Variants in TENM2 observed in about 807,000 individuals in gnomAD.
TENM2 encodes the protein teneurin-2.
Under a neutral mutation model 245.2 loss-of-function variants are expected in TENM2, and 52 were observed. The observed-to-expected ratio is 0.21, with a 90% confidence interval of 0.17 to 0.27. The LOEUF is 0.27. TENM2 is among the 10% of genes least tolerant of loss of function. The pLI, the probability that TENM2 is intolerant of heterozygous loss-of-function variation, is 1.00. For synonymous variants in TENM2, 1,363 were observed against 1,438.9 expected (o/e 0.95, Z 1.19); for missense variants, 3,046 against 3,666.8 (o/e 0.83, Z 4.37).
the TENM2 span, among the ~76,000 whole-genome samples, chr5:167,015,391 C>A: frequency 0.4 from 60,732 of 151,926 alleles, 12,374 homozygotes; most frequent in Middle Eastern, 0.44. Context: ...ATATTTTAGC[C>A]TGCGTGTGTT....
intron 2 of TENM2, among the ~76,000 whole-genome samples, chr5:167,726,240 G>C (rs1759995926): frequency 8.9e-6 from 1 of 112,376 alleles, no homozygotes; most frequent in Non-Finnish European, 1.7e-5. Flanking sequence ...CTGAAGTTTA[G>C]CTTCATGATC....
At chr5:167,133,471 G>A in the TENM2 span, among the ~76,000 whole-genome samples, 1 of 152,130 alleles carries the variant, frequency 6.6e-6, no homozygotes, top group Admixed American at 6.5e-5. Flanking sequence ...CTCTTATGTA[G>A]GCCTTGCTTC....
At chr5:167,300,946 GT>G (rs1165266718) in intron 1 of TENM2, among the ~76,000 whole-genome samples, 1 of 152,156 alleles carries the variant, frequency 6.6e-6, no homozygotes, top group African/African-American at 2.4e-5. Flanking sequence ...GAATTGGGGA[GT>G]TTTAAGAGGT....
chr5:167,027,976 AAGG>A, the TENM2 span, among the ~76,000 whole-genome samples: 1 of 150,670 alleles, frequency 6.6e-6, no homozygotes, highest in Non-Finnish European at 1.5e-5. Flanking sequence ...GAGGCTGAGG[AAGG>A]AGAATCGCTT....
intron 2 of TENM2, among the ~76,000 whole-genome samples, chr5:167,679,038 C>A (rs544733754): frequency 1.3e-5 from 2 of 152,070 alleles, no homozygotes; most frequent in Admixed American, 1.3e-4. Context: ...AAAAGAAAAC[C>A]CAAACACAAA....
At chr5:167,412,827 A>G (rs563382911) in intron 2 of TENM2, among the ~76,000 whole-genome samples, 11 of 151,414 alleles carry the variant, frequency 7.3e-5, no homozygotes, top group Non-Finnish European at 1.6e-4. Context: ...AAGATGTTAC[A>G]TGTTTAACTT....
At chr5:167,368,334 A>G (rs990069743) in intron 1 of TENM2, among the ~76,000 whole-genome samples, 10 of 152,068 alleles carry the variant, frequency 6.6e-5, no homozygotes. Flanking sequence ...GGTGGGGCAT[A>G]TATAGTCATG....
At chr5:167,810,609 G>A (rs959326131) in intron 2 of TENM2, among the ~76,000 whole-genome samples, 1 of 151,666 alleles carries the variant, frequency 6.6e-6, no homozygotes, top group Admixed American at 6.6e-5. Context: ...GTCAAGAGAG[G>A]TGGAGAGAGA....
At chr5:167,498,114 G>A (rs1355690198) in intron 2 of TENM2, among the ~76,000 whole-genome samples, 1 of 152,054 alleles carries the variant, frequency 6.6e-6, no homozygotes, top group African/African-American at 2.4e-5. Flanking sequence ...GCAGGGAGGG[G>A]GTGAGTTTGT....
At chr5:166,991,947 G>GA in the TENM2 span, among the ~76,000 whole-genome samples, 36 of 150,322 alleles carry the variant, frequency 2.4e-4, no homozygotes, top group Middle Eastern at 3.4e-3. Flanking sequence ...CTTTAAAACT[G>GA]AAAAAAAAAT....
the TENM2 span, among the ~76,000 whole-genome samples, chr5:167,222,242 C>A: frequency 6.6e-6 from 1 of 152,262 alleles, no homozygotes; most frequent in East Asian, 1.9e-4. Flanking sequence ...ATGAATCTGC[C>A]TTCACATATG....
chr5:168,184,779 A>G (rs900585048), intron 13 of TENM2, among the ~76,000 whole-genome samples: 5 of 152,104 alleles, frequency 3.3e-5, no homozygotes, highest in Admixed American at 1.3e-4. Context: ...GTGTAGCTTT[A>G]CTAGTAAGCG....
At chr5:167,887,328 A>T (rs1318068638) in intron 3 of TENM2, among the ~76,000 whole-genome samples, 4 of 152,264 alleles carry the variant, frequency 2.6e-5, no homozygotes, top group African/African-American at 9.6e-5. Context: ...CACATGGTGC[A>T]GGTAGAGATA....
At chr5:167,400,076 A>C (rs1459602782) in intron 2 of TENM2, among the ~76,000 whole-genome samples, 2 of 152,186 alleles carry the variant, frequency 1.3e-5, no homozygotes, top group African/African-American at 2.4e-5. Flanking sequence ...TTTTGACTTT[A>C]CCATGGAAGC....
chr5:167,153,708 T>A, the TENM2 span, among the ~76,000 whole-genome samples: 1 of 152,010 alleles, frequency 6.6e-6, no homozygotes, highest in Non-Finnish European at 1.5e-5. Flanking sequence ...TATATCCAGA[T>A]CATTTGGCTT....
the TENM2 span, among the ~76,000 whole-genome samples, chr5:167,086,919 ACACACACACG>A: frequency 0.051 from 4,691 of 91,102 alleles, 111 homozygotes; most frequent in African/African-American, 0.14. Context: ...GGAAACTCTA[ACACACACACG>A]CACACACACA....
At chr5:167,056,684 T>G in the TENM2 span, among the ~76,000 whole-genome samples, 1 of 148,454 alleles carries the variant, frequency 6.7e-6, no homozygotes, top group African/African-American at 2.5e-5. Flanking sequence ...ATATATTACT[T>G]CCCTCATATT....
At chr5:167,072,850 A>G in the TENM2 span, among the ~76,000 whole-genome samples, 1 of 152,216 alleles carries the variant, frequency 6.6e-6, no homozygotes, top group Non-Finnish European at 1.5e-5. Flanking sequence ...ATTATTTGTA[A>G]ATCTGAAGAG....
the TENM2 span, among the ~76,000 whole-genome samples, chr5:167,072,707 A>C: frequency 6.6e-6 from 1 of 152,198 alleles, no homozygotes; most frequent in Non-Finnish European, 1.5e-5. Context: ...GATCACTGGG[A>C]CCTTCCTGTT....
Sources: gnomAD v4.1 joint callset for allele counts (sites outside exome capture counted in the v4.1 genomes callset) on GRCh38, gnomAD v4.1.1 for gene constraint, MANE v1.5 for transcripts, NCBI Gene and HGNC (gene_info 2026-07-23, HGNC 2026-07-21) for gene names.